CCNQ: variants seen among roughly 807,000 people sequenced by gnomAD.
CCNQ encodes the protein cyclin-Q.
A neutral mutation model predicts 17.7 loss-of-function variants in CCNQ; 3 were observed. The observed-to-expected ratio is 0.17, with a 90% CI of 0.08 to 0.44. The LOEUF is 0.44. Among genes scored for constraint, CCNQ ranks in the 20% least tolerant of loss-of-function variants. The pLI is 0.99. For synonymous variants in CCNQ, 73 were observed against 96.0 expected (o/e 0.76, Z 1.40); for missense variants, 146 against 222.6 (o/e 0.66, Z 2.19).
intron 4 of CCNQ, 90 bp downstream of exon 4, chrX:153,592,416 T>G: frequency 2.2e-6 from 2 of 911,518 alleles, no homozygotes; most frequent in Non-Finnish European, 3.1e-6. Flanking sequence ...TCTTTCTTCA[T>G]GGATAATTAA....
chrX:153,595,652 C>A (rs982214385), intron 2 of CCNQ, among the ~76,000 whole-genome samples: 6 of 112,509 alleles, frequency 5.3e-5, no homozygotes, highest in Admixed American at 1.9e-4. Context: ...CACCCTCCCG[C>A]TGCAGGCAAG....
At chrX:153,592,472 G>A in intron 4 of CCNQ, 34 bp downstream of exon 4, 1 of 1,166,959 alleles carries the variant, frequency 8.6e-7, no homozygotes, top group Non-Finnish European at 1.2e-6. Flanking sequence ...AGAGGGAAAG[G>A]GGGCACGTCC....
At position 153,596,180 on chromosome X, in the gene CCNQ, C is replaced by G; in HGVS notation, c.120G>C (p.Lys40Asn). 1 of 1,212,190 alleles carries G rather than the reference C, an allele frequency of 8.2e-7. No homozygotes were observed. Among genetic ancestry groups the G allele is most frequent in the Non-Finnish European group, 1.1e-6 (1 of 895,524 alleles). Residue 40 changes from lysine to asparagine, a missense_variant, in exon 2 of 5, where the codon AAG (lysine) becomes AAC (asparagine). Physicochemically the swap from Lys to Asn is moderately conservative, Grantham distance 94. Coordinates refer to ENST00000576892, the MANE Select transcript of CCNQ (RefSeq NM_152274.5). ...CAATGGGAATGGACCGCATCCCTAG[C>G]TTGACACCTGCGGAGAGAAAGCAGG... ...VARFIMEAGV[K>N]LGMRSIPIAT...
intron 1 of CCNQ, among the ~76,000 whole-genome samples, chrX:153,596,930 G>A (rs1017018807): frequency 1.3e-4 from 15 of 112,144 alleles, no homozygotes; most frequent in Non-Finnish European, 2.8e-4. Flanking sequence ...AGGAATTCGA[G>A]ACCAGCCTAG....
chrX:153,589,386 C>T (rs2148297388), intron 4 of CCNQ, among the ~76,000 whole-genome samples: 1 of 113,085 alleles, frequency 8.8e-6, no homozygotes, highest in South Asian at 3.6e-4. Context: ...GGCGAGGAGC[C>T]GCTGAAGCTC....
intron 4 of CCNQ, among the ~76,000 whole-genome samples, chrX:153,592,243 G>A (rs1185676952): frequency 1.1e-4 from 12 of 112,621 alleles, no homozygotes; most frequent in African/African-American, 3.5e-4. Flanking sequence ...GCGGTTCTCC[G>A]CTGGGGCAAC....
rs782558422 is a variant in CCNQ, at chrX:153,594,631, C to A, written c.345G>T (p.Trp115Cys). ...GEPLELDSRF[W>C]ELRDSIVQCE... is the part of the protein sequence containing the mutation. ...ACTGCACGATGCTGTCCCGGAGTTCCCAGAAGCGGGAGTCCAATTCCAGGG... is the reference window on the plus strand; with the variant it reads ...ACTGCACGATGCTGTCCCGGAGTTCACAGAAGCGGGAGTCCAATTCCAGGG... Residue 115 changes from tryptophan (W) to cysteine (C), a missense_variant, in exon 3 of 5, where the codon TGG (tryptophan) becomes TGT (cysteine). Transcript: ENST00000576892. The A allele has an allele frequency of 1.9e-5, 23 of 1,210,034 alleles. No individual in the cohort carries two copies. The Admixed American group carries it at 5.0e-4, about 26-fold the overall frequency.
chrX:153,594,176 C>T (rs1557026375), intron 3 of CCNQ, among the ~76,000 whole-genome samples: 1 of 112,882 alleles, frequency 8.9e-6, no homozygotes, highest in African/African-American at 3.2e-5. Flanking sequence ...CACAGCATCC[C>T]CTGGGGACGG....
rs1557026590 is a variant in CCNQ at position 153,594,652 on chromosome X, C to T, written c.324G>A (p.Leu108=). ...GTTCCCAGAAGCGGGAGTCCAATTC[C>T]AGGGGCTCACCGCTTGGGTTAAAGT... The part of the protein sequence containing the change: ...NRYFNPSGEP[L]ELDSRFWELR... The change falls in exon 3 of 5, where the codon CTG becomes CTA. Residue 108 remains leucine, a synonymous_variant. Coordinates refer to ENST00000576892, the MANE Select transcript of CCNQ (RefSeq NM_152274.5). The T allele has an allele frequency of 2.5e-6, 3 of 1,211,553 alleles. No individual in the cohort carries two copies. The highest frequency in any genetic ancestry group is 1.8e-5 in the South Asian group (1 of 56,995).
At chrX:153,592,280 G>A (rs1158329155) in intron 4 of CCNQ, among the ~76,000 whole-genome samples, 1 of 113,181 alleles carries the variant, frequency 8.8e-6, no homozygotes, top group African/African-American at 3.2e-5. Flanking sequence ...CGGCGACGTC[G>A]GTGGAGGCCA....
Position 153,588,184 on chromosome X carries a change from C to T in CCNQ, c.*181G>A, listed in dbSNP as rs782042762. The T allele has an allele frequency of 3.5e-5, 19 of 538,027 alleles. No individual in the cohort carries two copies. The highest frequency in any genetic ancestry group is 2.1e-4 in the Admixed American group (8 of 39,012). The allele number at this position is 538,027 out of a possible 1,213,427, so 44.3% of individuals were successfully genotyped here. On this transcript the variant is annotated 3_prime_UTR_variant, in exon 5 of 5. Transcript: ENST00000576892. ...GCGCGGCTCCCACCATCACCTGCAC[C>T]GCGACTTCTAGGGACTGGCAAAGCG...
Position 153,599,135 on chromosome X carries a change from G to T in CCNQ, c.-62C>A, listed in dbSNP as rs1321241021. On this transcript the variant is annotated 5_prime_UTR_variant, in exon 1 of 5. Coordinates refer to ENST00000576892, the MANE Select transcript of CCNQ (RefSeq NM_152274.5). ...CGGCGCGCAGAAGCCGGCAGAACTG[G>T]AGGTGCTCGCGGCGGGCGCTGCCGC... 2.5e-5 allele frequency: 14 copies of T among 567,181 alleles called. No individual in the cohort carries two copies. Among genetic ancestry groups the T allele is most frequent in the African/African-American group, 2.1e-4 (8 of 38,876 alleles). The allele number at this position is 567,181 out of a possible 1,213,427, so 46.7% of individuals were successfully genotyped here.
chrX:153,596,658 G>A (rs189852509), intron 1 of CCNQ, among the ~76,000 whole-genome samples: 123 of 112,963 alleles, frequency 1.1e-3, no homozygotes, highest in African/African-American at 3.7e-3. Flanking sequence ...AAACGGCCTC[G>A]TGGGTGCCAC....
Position 153,588,367 on chromosome X carries a change from A to AG in CCNQ, c.744dup (p.Ter249LeufsTer27). Reference sequence around the variant, plus strand: ...TTGGGCAGGCCTGGGCCAGGACCTTAGGGGATCTCTGTGTCCATGGTATAA... The same window carrying AG: ...TTGGGCAGGCCTGGGCCAGGACCTTAGGGGGATCTCTGTGTCCATGGTATAA... On this transcript the variant is annotated frameshift_variant, in exon 5 of 5. Coordinates refer to ENST00000576892, the MANE Select transcript of CCNQ (RefSeq NM_152274.5). LOFTEE classifies it high-confidence loss of function. The AG allele has an allele frequency of 8.3e-7, 1 of 1,205,344 alleles. No homozygotes were observed. The highest frequency in any genetic ancestry group is 1.1e-6 in the Non-Finnish European group (1 of 889,086).
chrX:153,591,061 G>A (rs1557025670), intron 4 of CCNQ, among the ~76,000 whole-genome samples: 2 of 112,026 alleles, frequency 1.8e-5, no homozygotes, highest in African/African-American at 3.3e-5. Context: ...TAAGTGACAG[G>A]AGTCACCGTA....
chrX:153,596,015 A>G lies in CCNQ; in HGVS notation c.285T>C (p.Asn95=). ...EQHLRTRDII[N]VSNRYFNPSG... The stretch of plus-strand genomic sequence containing the variant: ...CCAAATGCCATTACCTGTTGGACAC[A>G]TTGATGATGTCACGAGTCCGCAGGT... Residue 95 remains asparagine (N), a synonymous_variant, in exon 2 of 5, where the codon AAT becomes AAC. Coordinates refer to ENST00000576892, the MANE Select transcript of CCNQ (RefSeq NM_152274.5). The G allele has an allele frequency of 1.7e-6, 2 of 1,212,002 alleles. No individual in the cohort carries two copies. Among genetic ancestry groups the G allele is most frequent in the South Asian group, 1.8e-5 (1 of 57,012 alleles).
intron 3 of CCNQ, among the ~76,000 whole-genome samples, chrX:153,593,365 A>T (rs1428537374): frequency 2.7e-5 from 3 of 112,102 alleles, no homozygotes; most frequent in Non-Finnish European, 3.8e-5. Context: ...CCCTGACTGG[A>T]AGGAGGGGAA....
chrX:153,595,035 G>A (rs782163410), intron 2 of CCNQ, among the ~76,000 whole-genome samples: 35 of 112,876 alleles, frequency 3.1e-4, no homozygotes, highest in Non-Finnish European at 5.6e-4. Context: ...TACTCAGCCC[G>A]GCATTAGGGA....
chrX:153,593,300 C>A (rs1275385965), intron 3 of CCNQ, among the ~76,000 whole-genome samples: 2 of 112,342 alleles, frequency 1.8e-5, no homozygotes, highest in African/African-American at 3.2e-5. Context: ...AACACACATG[C>A]GTGTGACCCC....
Sources: allele counts gnomAD v4.1 joint callset (sites outside exome capture counted in the v4.1 genomes callset), GRCh38; gene constraint gnomAD v4.1.1; transcripts MANE v1.5; gene names NCBI Gene and HGNC (gene_info 2026-07-23, HGNC 2026-07-21).